Variants in BEND4 observed in about 807,000 individuals in gnomAD.
BEND4 encodes BEN domain containing 4.
Under a neutral mutation model 54.7 loss-of-function variants are expected in BEND4, and 27 were observed. The observed-to-expected ratio is 0.49, with a 90% CI of 0.36 to 0.68. The LOEUF (loss-of-function observed/expected upper bound fraction) is 0.68, where lower values mean the gene tolerates loss of function less well. BEND4 is among the 30% of genes least tolerant of loss of function. The probability of loss-of-function intolerance (pLI) is 0.00; values close to 1 mark genes in which losing one functional copy is unlikely to be tolerated. For synonymous variants in BEND4, 327 were observed against 299.5 expected (o/e 1.09, Z -0.95); for missense variants, 702 against 697.2 (o/e 1.01, Z -0.08).
chr4:42,151,525 C>G, intron 2 of BEND4, 132 bp downstream of exon 2: 1 of 957,374 alleles, frequency 1.0e-6, no homozygotes. Flanking sequence ...GCGGGGAGGC[C>G]CCAGGTGCGC....
chr4:42,139,548 T>C (rs1720813408), intron 3 of BEND4, among the ~76,000 whole-genome samples: 1 of 150,514 alleles, frequency 6.6e-6, no homozygotes, highest in South Asian at 2.1e-4. Flanking sequence ...TATTTTTAAC[T>C]CTCATTTCAA....
intron 4 of BEND4, among the ~76,000 whole-genome samples, chr4:42,123,911 G>A (rs949731428): frequency 1.3e-5 from 2 of 152,150 alleles, no homozygotes; most frequent in Admixed American, 1.3e-4. Context: ...AGGAACTGCA[G>A]ATGGGTATTC....
chr4:42,140,851 G>T (rs1476164578), intron 3 of BEND4, among the ~76,000 whole-genome samples: 2 of 152,176 alleles, frequency 1.3e-5, no homozygotes, highest in Non-Finnish European at 2.9e-5. Flanking sequence ...AGCTAGGAAG[G>T]CTCCTTTGGT....
intron 5 of BEND4, 111 bp from the exon 6 acceptor site, chr4:42,117,846 C>CT: frequency 1.4e-6 from 1 of 701,954 alleles, no homozygotes; most frequent in East Asian, 2.7e-5. Context: ...ATAAGAAAAG[C>CT]TTTATGGGAA....
chr4:42,130,161 A>G (rs1720452897), intron 3 of BEND4, among the ~76,000 whole-genome samples: 1 of 152,200 alleles, frequency 6.6e-6, no homozygotes, highest in South Asian at 2.1e-4. Flanking sequence ...GTTCAACAAC[A>G]CTGATCATTA....
intron 2 of BEND4, among the ~76,000 whole-genome samples, chr4:42,145,968 G>A (rs1436587936): frequency 6.6e-6 from 1 of 152,192 alleles, no homozygotes; most frequent in Non-Finnish European, 1.5e-5. Context: ...TTACTTGACT[G>A]AGGTAGGGGT....
intron 3 of BEND4, among the ~76,000 whole-genome samples, chr4:42,135,884 A>C (rs541054688): frequency 6.6e-6 from 1 of 152,366 alleles, no homozygotes; most frequent in South Asian, 2.1e-4. Context: ...TGGCAAAACA[A>C]TCACAGATAC....
chr4:42,135,684 A>G (rs1720673234), intron 3 of BEND4, among the ~76,000 whole-genome samples: 1 of 152,170 alleles, frequency 6.6e-6, no homozygotes, highest in African/African-American at 2.4e-5. Context: ...CTGAGGCAGG[A>G]GAATGGCATG....
chr4:42,150,015 T>C (rs28450878), intron 2 of BEND4, among the ~76,000 whole-genome samples: 43 of 152,096 alleles, frequency 2.8e-4, no homozygotes, highest in African/African-American at 1.0e-3. Context: ...ATGATGGAAC[T>C]GAGGCTACGC....
chr4:42,138,316 G>A (rs969424309), intron 3 of BEND4, among the ~76,000 whole-genome samples: 1 of 152,134 alleles, frequency 6.6e-6, no homozygotes, highest in Admixed American at 6.5e-5. Context: ...TGTTAAGCCA[G>A]ACACAGAAAG....
In BEND4 at chr4:42,114,244, G is replaced by C. The variant is rs916854395; in HGVS notation, c.*3274C>G. The stretch of plus-strand genomic sequence containing the variant: ...ACATATCATTTGAGGGTCATCCTGA[G>C]CCTGGCTGGAACTGAGCTTGGGGCT... On this transcript the variant is annotated 3_prime_UTR_variant, in exon 6 of 6. Coordinates refer to ENST00000502486, the MANE Select transcript of BEND4 (RefSeq NM_207406.4). 6.6e-6 allele frequency: 1 copy of C among 152,176 alleles called. No homozygotes were observed. The highest frequency in any genetic ancestry group is 2.4e-5 in the African/African-American group (1 of 41,436). The allele number at this position is 152,176 out of a possible 1,614,324, so 9.4% of individuals were successfully genotyped here. A position where few individuals can be genotyped will look rare whatever the true frequency, so the allele number is the denominator to read the frequency against.
chr4:42,136,270 G>A (rs1343811749), intron 3 of BEND4, among the ~76,000 whole-genome samples: 4 of 152,126 alleles, frequency 2.6e-5, no homozygotes, highest in Admixed American at 6.5e-5. Context: ...CTCTAAGGGC[G>A]TTTTGTTCTT....
chr4:42,144,314 A>G (rs889543978), intron 2 of BEND4, among the ~76,000 whole-genome samples: 2 of 152,166 alleles, frequency 1.3e-5, no homozygotes, highest in African/African-American at 4.8e-5. Context: ...CTTTGGTTTC[A>G]TTAATATCCT....
rs1170683128 is a variant in BEND4, at chr4:42,114,528, GAAGGAC to G, written c.*2984_*2989del. On this transcript the variant is annotated 3_prime_UTR_variant, in exon 6 of 6. Coordinates refer to ENST00000502486, the MANE Select transcript of BEND4 (RefSeq NM_207406.4). The stretch of plus-strand genomic sequence containing the variant: ...CACTACCAATGCTAACATGACTCAA[GAAGGAC>G]TCTAAAAGCTGACATGACTAAGTTT... The G allele has an allele frequency of 2.0e-5, 3 of 151,492 alleles. No homozygotes were observed. Among genetic ancestry groups the G allele is most frequent in the African/African-American group, 7.2e-5 (3 of 41,392 alleles). The allele number at this position is 151,492 out of a possible 1,614,324, so 9.4% of individuals were successfully genotyped here.
intron 4 of BEND4, 92 bp from the exon 5 acceptor site, chr4:42,120,386 A>C: frequency 6.7e-7 from 1 of 1,482,078 alleles, no homozygotes; most frequent in Non-Finnish European, 9.1e-7. Flanking sequence ...TGCTTTTTTT[A>C]ACCAAGTGGC....
intron 3 of BEND4, among the ~76,000 whole-genome samples, chr4:42,127,692 C>A (rs1196273345): frequency 1.3e-5 from 2 of 152,192 alleles, no homozygotes; most frequent in Non-Finnish European, 2.9e-5. Flanking sequence ...AAGCAGCATT[C>A]TGTTCTTCAC....
chr4:42,147,322 T>C (rs1397839394), intron 2 of BEND4, among the ~76,000 whole-genome samples: 1 of 152,170 alleles, frequency 6.6e-6, no homozygotes, highest in African/African-American at 2.4e-5. Context: ...AGCAATAGTT[T>C]TAGCCTTCTA....
At chr4:42,142,735 C>G (rs1720933967) in intron 3 of BEND4, among the ~76,000 whole-genome samples, 1 of 148,410 alleles carries the variant, frequency 6.7e-6, no homozygotes, top group Non-Finnish European at 1.5e-5. Context: ...GATGATTTTA[C>G]TACTCTGAAA....
At chr4:42,124,805 C>A (rs1040622163) in intron 4 of BEND4, among the ~76,000 whole-genome samples, 1 of 152,100 alleles carries the variant, frequency 6.6e-6, no homozygotes, top group Non-Finnish European at 1.5e-5. Context: ...AGAGATGAGA[C>A]CCGGGCCCAA....
Sources: gnomAD v4.1 joint callset for allele counts (sites outside exome capture counted in the v4.1 genomes callset) on GRCh38, gnomAD v4.1.1 for gene constraint, MANE v1.5 for transcripts, NCBI Gene and HGNC (gene_info 2026-07-23, HGNC 2026-07-21) for gene names.